OFD1: variants seen among roughly 807,000 people sequenced by gnomAD.
OFD1 encodes OFD1 centriole and centriolar satellite protein, also known as centriole and centriolar satellite protein OFD1.
Under a neutral mutation model 81.4 loss-of-function variants are expected in OFD1, and 12 were observed. The observed-to-expected ratio is 0.15, with a 90% CI of 0.09 to 0.24. The LOEUF (loss-of-function observed/expected upper bound fraction) is 0.24, where lower values mean the gene tolerates loss of function less well. Ranked by LOEUF, OFD1 falls within the 10% of genes least tolerant of loss-of-function variation. The pLI, the probability that OFD1 is intolerant of heterozygous loss-of-function variation, is 1.00. For missense variants in OFD1, 685 were observed against 733.9 expected (o/e 0.93, Z 0.77); for synonymous variants, 256 against 263.7 (o/e 0.97, Z 0.28).
intron 19 of OFD1, among the ~76,000 whole-genome samples, chrX:13,766,470 G>A (rs1444589081): frequency 4.5e-5 from 5 of 111,607 alleles, no homozygotes; most frequent in Admixed American, 9.5e-5. Context: ...TTCCACATGC[G>A]GATGGCAAGG....
At position 13,768,766 on chromosome X, in the gene OFD1, T is replaced by C. The variant is rs1441693476; in HGVS notation, c.2977T>C (p.Ser993Pro). Residue 993 changes from serine (S) to proline (P), a missense_variant, in exon 22 of 23, where the codon TCT (serine) becomes CCT (proline). Ser to Pro is a moderately conservative substitution (Grantham distance 74). Around this residue, in one of 3 missense-constraint regions of OFD1, gnomAD observed 259 missense variants for 254.4 expected, o/e 1.02. Coordinates refer to ENST00000340096, the MANE Select transcript of OFD1 (RefSeq NM_003611.3). ...AGGCTCCCTAGTGGACACGCTGCAA[T>C]CTAGTGACAAAGTCGAAAGGTACCT... is the stretch of plus-strand genomic sequence containing the variant. ...QEGSLVDTLQ[S>P]SDKVESLTGF... is the part of the protein sequence containing the mutation. 1.7e-6 allele frequency: 2 copies of C among 1,206,429 alleles called. No homozygotes were observed. Among genetic ancestry groups the C allele is most frequent in the Admixed American group, 2.2e-5 (1 of 45,769 alleles).
chrX:13,770,188 TTATC>T (rs1289269564), downstream of OFD1, among the ~76,000 whole-genome samples: 3 of 112,276 alleles, frequency 2.7e-5, no homozygotes, highest in East Asian at 8.4e-4. Context: ...GCTTGTGATT[TTATC>T]TAACCATTAT....
At position 13,756,676 on chromosome X, in the gene OFD1, A is replaced by C. The variant is rs1393198903; in HGVS notation, c.1320A>C (p.Leu440=). The change falls in exon 13 of 23, where the codon CTA becomes CTC. Residue 440 remains leucine, a synonymous_variant. Transcript: ENST00000340096. ...AAGAGATGAGTGATTATTCACTACTAAAAGAAGAGAAACTGGAGCTTCTGG... is the reference window on the plus strand; with the variant it reads ...AAGAGATGAGTGATTATTCACTACTCAAAGAAGAGAAACTGGAGCTTCTGG... ...KVKEMSDYSL[L]KEEKLELLAQ... The C allele has an allele frequency of 1.7e-6, 2 of 1,202,781 alleles. No individual in the cohort carries two copies. Among genetic ancestry groups the C allele is most frequent in the South Asian group, 3.5e-5 (2 of 56,687 alleles).
At chrX:13,743,129 C>G (rs2047170230) in intron 5 of OFD1, among the ~76,000 whole-genome samples, 1 of 112,355 alleles carries the variant, frequency 8.9e-6, no homozygotes, top group South Asian at 3.6e-4. Flanking sequence ...TGCCCATGTT[C>G]TCTAATCTCA....
At position 13,761,114 on chromosome X, in the gene OFD1, A is replaced by G. The variant is rs1202531074; in HGVS notation, c.2290A>G (p.Ser764Gly). The change falls in exon 17 of 23, where the codon AGT (serine) becomes GGT (glycine). Residue 764 changes from serine to glycine, a missense_variant. This residue lies in a region of OFD1 where 259 missense variants were observed against 254.4 expected (regional missense o/e 1.02). Transcript: ENST00000340096. ...GLGRSHIASP[S>G]PCPDRMPLPS... The stretch of plus-strand genomic sequence containing the variant: ...GGGCAGATCACACATTGCTTCCCCC[A>G]GTCCTTGTCCTGACAGAATGCCCCT... The G allele has an allele frequency of 3.3e-6, 4 of 1,209,087 alleles. No homozygotes were observed. In the African/African-American group the frequency reaches 7.0e-5, roughly 21 times the overall value.
intron 14 of OFD1, 93 bp from the exon 15 acceptor site, chrX:13,758,244 A>G (rs2047788255): frequency 1.6e-6 from 1 of 619,466 alleles, no homozygotes; most frequent in African/African-American, 2.2e-5. Flanking sequence ...GGCAGAACAA[A>G]AAGAGTACAA....
At chrX:13,757,071 T>C (rs1415120609) in intron 13 of OFD1, among the ~76,000 whole-genome samples, 2 of 111,718 alleles carry the variant, frequency 1.8e-5, no homozygotes, top group Non-Finnish European at 3.8e-5. Flanking sequence ...CTCTTCCAAG[T>C]GCTCTGCACC....
At chrX:13,724,498 A>G in the OFD1 span, among the ~76,000 whole-genome samples, 1 of 111,288 alleles carries the variant, frequency 9.0e-6, no homozygotes, top group African/African-American at 3.3e-5. Flanking sequence ...CACTGAAATA[A>G]TGGTGGATGC....
Position 13,764,053 on chromosome X carries a change from G to A in OFD1, c.2599+198G>A, listed in dbSNP as rs759679305. Among the ~76,000 whole-genome samples the A allele has an allele frequency of 1.4e-3, 157 of 111,810 alleles. 1 individual carries two copies. The highest frequency in any genetic ancestry group is 4.7e-3 in the African/African-American group (144 of 30,722). On this transcript the variant is annotated intron_variant, in intron 19 of 22. Coordinates refer to ENST00000340096, the MANE Select transcript of OFD1 (RefSeq NM_003611.3). ...ATTCCCATGTGAACATGTAAAGACA[G>A]TGCTGAGAAAGGACACGTTGGAAGG... is the stretch of plus-strand genomic sequence containing the variant.
the OFD1 span, among the ~76,000 whole-genome samples, chrX:13,726,803 C>A: frequency 0.3 from 33,583 of 110,637 alleles, 3,865 homozygotes; most frequent in South Asian, 0.47. Context: ...TTAAAAGACA[C>A]AGACTGGCAA....
chrX:13,764,957 G>A (rs186424908), intron 19 of OFD1, among the ~76,000 whole-genome samples: 9 of 111,686 alleles, frequency 8.1e-5, no homozygotes, highest in East Asian at 2.8e-4. Flanking sequence ...AGTAGGGGCC[G>A]TGGCCACAAG....
the OFD1 span, chrX:13,720,114 G>A: frequency 2.4e-6 from 1 of 418,051 alleles, no homozygotes; most frequent in Non-Finnish European, 3.9e-6. Flanking sequence ...AAGCTTGGCA[G>A]TTTCCAGTAT....
At chrX:13,772,400 C>CA (rs751156950), downstream of OFD1, 1 of 112,875 alleles carries the variant, frequency 8.9e-6, no homozygotes, top group South Asian at 3.7e-4. Flanking sequence ...TAATAAATGT[C>CA]AGCTGTCAGA....
In OFD1 at chrX:13,755,187, T is replaced by C; in HGVS notation, c.1166T>C (p.Ile389Thr). 2.5e-6 allele frequency: 3 copies of C among 1,208,793 alleles called. No individual in the cohort carries two copies. Among genetic ancestry groups the C allele is most frequent in the Non-Finnish European group, 3.4e-6 (3 of 892,648 alleles). ...CATTTGCAAGAGGAGCTCATAGCTA[T>C]TAATTCAAAAAAGGAGGAACTCAAT... is the stretch of plus-strand genomic sequence containing the variant. ...AVHLQEELIA[I>T]NSKKEELNQS... Residue 389 changes from isoleucine to threonine, a missense_variant, in exon 12 of 23, where the codon ATT becomes ACT. Around this residue, in one of 3 missense-constraint regions of OFD1, gnomAD observed 414 missense variants for 447.2 expected, o/e 0.93. Transcript: ENST00000340096.
downstream of OFD1, chrX:13,773,238 A>C (rs2048333694): frequency 6.7e-6 from 2 of 297,758 alleles, no homozygotes; most frequent in Non-Finnish European, 5.8e-6. Flanking sequence ...GTTAGTATAC[A>C]AACATAGTGA....
At chrX:13,723,490 G>T in the OFD1 span, among the ~76,000 whole-genome samples, 2 of 111,731 alleles carry the variant, frequency 1.8e-5, no homozygotes, top group East Asian at 5.6e-4. Flanking sequence ...TTTTATAAAA[G>T]TTCTGTGACT....
the OFD1 span, chrX:13,716,371 T>C: frequency 1.5e-6 from 1 of 652,443 alleles, no homozygotes; most frequent in Non-Finnish European, 2.3e-6. Flanking sequence ...AAACAAAATG[T>C]TTTTCCCCCC....
the OFD1 span, among the ~76,000 whole-genome samples, chrX:13,729,725 A>G: frequency 5.4e-5 from 6 of 111,433 alleles, no homozygotes; most frequent in African/African-American, 9.8e-5. Flanking sequence ...CCTGACCAAC[A>G]TGGAGAAACC....
rs777878434 is a variant in OFD1 at position 13,769,099 on chromosome X, C to G, written c.3030C>G (p.Asp1010Glu). ...LTGFSHEELD[D>E]SW is the part of the protein sequence containing the mutation. ...GCTTTTCTCATGAAGAACTAGACGA[C>G]TCTTGGTAACCATGTTTGCTGCCCA... The change falls in exon 23 of 23, where the codon GAC (aspartate) becomes GAG (glutamate). Residue 1010 changes from aspartate to glutamate, a missense_variant. This residue lies in a region of OFD1 where 259 missense variants were observed against 254.4 expected (regional missense o/e 1.02). Coordinates refer to ENST00000340096, the MANE Select transcript of OFD1 (RefSeq NM_003611.3). The G allele has an allele frequency of 5.0e-6, 6 of 1,193,637 alleles. 1 individual carries two copies. The South Asian group carries it at 1.1e-4, about 21-fold the overall frequency.
Sources: allele counts gnomAD v4.1 joint callset (sites outside exome capture counted in the v4.1 genomes callset), GRCh38; gene constraint gnomAD v4.1.1; regional missense constraint gnomAD v4.1.1; transcripts MANE v1.5; gene names NCBI Gene and HGNC (gene_info 2026-07-23, HGNC 2026-07-21).